The following PCNT variants were observed in gnomAD, a reference collection of about 807,000 sequenced individuals.
PCNT encodes pericentrin, also known as kendrin.
A neutral mutation model predicts 380.4 loss-of-function variants in PCNT; 319 were observed. The ratio of observed to expected loss-of-function variants is 0.84; its 90% CI spans 0.77 to 0.92. The LOEUF (loss-of-function observed/expected upper bound fraction) is 0.92. Among genes scored for constraint, PCNT ranks in the 40% least tolerant of loss-of-function variants. The pLI is 0.00. For missense variants in PCNT, 4,400 were observed against 4,255.3 expected, an observed-to-expected ratio of 1.03 and a Z score of -0.95; for synonymous variants, 1,845 against 1,735.2, an observed-to-expected ratio of 1.06 and a Z score of -1.57.
At chr21:46,399,828 TG>T in intron 25 of PCNT, 32 bp downstream of exon 25, 2 of 1,580,136 alleles carry the variant, frequency 1.3e-6, no homozygotes, top group Non-Finnish European at 1.7e-6. Context: ...GTTGGGCACG[TG>T]GTGAGGTGTC....
At chr21:46,353,716 GT>G (rs1394009441) in intron 10 of PCNT, among the ~76,000 whole-genome samples, 8 of 43,168 alleles carry the variant, frequency 1.9e-4, no homozygotes, top group South Asian at 9.7e-4. Context: ...TCTCCTCCAG[GT>G]GTGTGTGTGT....
chr21:46,327,998 A>G (rs1235445659), intron 2 of PCNT, among the ~76,000 whole-genome samples: 1 of 152,130 alleles, frequency 6.6e-6, no homozygotes, highest in African/African-American at 2.4e-5. Flanking sequence ...GGCCTTTTGT[A>G]TGAATTATGA....
At chr21:46,337,269 G>A (rs980974597) in intron 3 of PCNT, among the ~76,000 whole-genome samples, 1 of 152,144 alleles carries the variant, frequency 6.6e-6, no homozygotes, top group Non-Finnish European at 1.5e-5. Context: ...GGGCCACCAC[G>A]CCCGGCCCCA....
chr21:46,331,017 A>AGT (rs956861266), intron 2 of PCNT, among the ~76,000 whole-genome samples: 1 of 151,646 alleles, frequency 6.6e-6, no homozygotes, highest in Admixed American at 6.6e-5. Flanking sequence ...TAAGAAGATA[A>AGT]GTGTGTGTGT....
intron 38 of PCNT, among the ~76,000 whole-genome samples, chr21:46,433,058 G>C (rs937460886): frequency 5.9e-5 from 9 of 152,202 alleles, no homozygotes; most frequent in African/African-American, 1.7e-4. Flanking sequence ...CTGGAGTGCA[G>C]TGGCACGAAC....
Position 46,385,921 on chromosome 21 carries a change from C to G in PCNT, c.3402C>G (p.Asn1134Lys), listed in dbSNP as rs774651285. 4 of 1,614,208 alleles carry G rather than the reference C, an allele frequency of 2.5e-6. No individual in the cohort carries two copies. Among genetic ancestry groups the G allele is most frequent in the Non-Finnish European group, 3.4e-6 (4 of 1,180,044 alleles). Residue 1134 changes from asparagine (N) to lysine (K), a missense_variant, in exon 17 of 47, where the codon AAC becomes AAG. Physicochemically the swap from Asn to Lys is moderately conservative, Grantham distance 94. Coordinates refer to ENST00000359568, the MANE Select transcript of PCNT (RefSeq NM_006031.6). ...EVLQQRRERE[N>K]REGANLLSML... is the part of the protein sequence containing the mutation. ...TGCAGCAGAGGCGGGAGCGGGAGAA[C>G]CGGGAAGGCGCAAACCTCCTCTCCA... is the stretch of plus-strand genomic sequence containing the variant.
chr21:46,360,120 G>T (rs142096922), intron 13 of PCNT, among the ~76,000 whole-genome samples: 1 of 151,286 alleles, frequency 6.6e-6, no homozygotes, highest in Admixed American at 6.6e-5. Context: ...GCCTCCCAAA[G>T]TGCTGGGATT....
At chr21:46,438,409 A>G in intron 41 of PCNT, 72 bp downstream of exon 41, 1 of 1,418,990 alleles carries the variant, frequency 7.0e-7, no homozygotes, top group East Asian at 2.3e-5. Context: ...CCACCCCACA[A>G]GAGGCCGGGC....
At chr21:46,371,814 G>T (rs934707949) in intron 15 of PCNT, among the ~76,000 whole-genome samples, 1 of 149,840 alleles carries the variant, frequency 6.7e-6, no homozygotes, top group Non-Finnish European at 1.5e-5. Flanking sequence ...CACAGCACAT[G>T]CACACACACA....
Position 46,440,083 on chromosome 21 carries a change from A to G in PCNT, c.9274A>G (p.Arg3092Gly). The change falls in exon 42 of 47, where the codon AGG (arginine) becomes GGG (glycine). Residue 3092 changes from arginine (R) to glycine (G), a missense_variant and splice_region_variant. Coordinates refer to ENST00000359568, the MANE Select transcript of PCNT (RefSeq NM_006031.6). Reference sequence around the variant, plus strand: ...CAGCGCTGGCTGTGCTTCCTTACAGAGGTCGGAAAGGTCTGCTTGGAAGCC... The same window carrying G: ...CAGCGCTGGCTGTGCTTCCTTACAGGGGTCGGAAAGGTCTGCTTGGAAGCC... ...HHLQKGCSPSRSERSAWKPDE... is the reference protein window; with the variant it reads ...HHLQKGCSPSGSERSAWKPDE... The G allele has an allele frequency of 6.2e-7, 1 of 1,614,018 alleles. No homozygotes were observed. Among genetic ancestry groups the G allele is most frequent in the Non-Finnish European group, 8.5e-7 (1 of 1,180,004 alleles).
At chr21:46,412,749 G>C in intron 28 of PCNT, 88 bp from the exon 29 acceptor site, 1 of 1,408,416 alleles carries the variant, frequency 7.1e-7, no homozygotes, top group Non-Finnish European at 9.9e-7. Flanking sequence ...GCTGGCTGCC[G>C]TACTGGTTCC....
chr21:46,428,607 A>G lies in PCNT; in HGVS notation c.7690+17A>G, dbSNP rs779288253. The G allele has an allele frequency of 2.0e-5, 31 of 1,583,078 alleles. No individual in the cohort carries two copies. In the East Asian group the frequency reaches 5.4e-4, roughly 28 times the overall value. On this transcript the variant is annotated intron_variant, in intron 35 of 46. Transcript: ENST00000359568. ...GCAGGCAGGGTGGGTGTCACTGTCT[A>G]CACTGCCTGGGGCCCGGCCTCTGCA...
intron 27 of PCNT, among the ~76,000 whole-genome samples, chr21:46,403,208 TCG>T (rs1491437132): frequency 0.012 from 1,344 of 111,502 alleles, 1 homozygote; most frequent in Non-Finnish European, 0.017. Flanking sequence ...CGTGGGAGAA[TCG>T]TGTGTGTGTG....
chr21:46,387,285 C>T (rs1358568654), intron 17 of PCNT, among the ~76,000 whole-genome samples: 5 of 152,162 alleles, frequency 3.3e-5, no homozygotes, highest in Non-Finnish European at 5.9e-5. Flanking sequence ...CTGTGAGGAC[C>T]TTGCCTTCTG....
At chr21:46,335,913 A>G (rs923933346) in intron 3 of PCNT, among the ~76,000 whole-genome samples, 1 of 151,308 alleles carries the variant, frequency 6.6e-6, no homozygotes, top group Non-Finnish European at 1.5e-5. Context: ...GCTGACCTCA[A>G]GTGATCTGCT....
rs772439660 is a variant in PCNT, at chr21:46,411,204, A to C, written c.5131A>C (p.Ser1711Arg). ...CTCTCTTCAGGTCATATATACCAGA[A>C]GTTCTGAGATTGAAGAGCTGAAAGC... is the stretch of plus-strand genomic sequence containing the variant. The part of the protein sequence containing the change: ...NTSLKVIYTR[S>R]SEIEELKATI... The change falls in exon 28 of 47, where the codon AGT becomes CGT. Residue 1711 changes from serine to arginine, a missense_variant. Coordinates refer to ENST00000359568, the MANE Select transcript of PCNT (RefSeq NM_006031.6). 1 of 1,614,124 alleles carries C rather than the reference A, an allele frequency of 6.2e-7. No homozygotes were observed. The highest frequency in any genetic ancestry group is 8.5e-7 in the Non-Finnish European group (1 of 1,179,998).
chr21:46,362,693 C>T (rs2084762118), intron 13 of PCNT, among the ~76,000 whole-genome samples: 1 of 151,978 alleles, frequency 6.6e-6, no homozygotes, highest in South Asian at 2.1e-4. Flanking sequence ...GTAACAATCC[C>T]AGCACTTTGG....
rs774280096 is a variant in PCNT at position 46,334,788 on chromosome 21, T to C, written c.639+20T>C. 1.2e-6 allele frequency: 2 copies of C among 1,614,126 alleles called. No individual in the cohort carries two copies. Among genetic ancestry groups the C allele is most frequent in the South Asian group, 2.2e-5 (2 of 91,092 alleles). On this transcript the variant is annotated intron_variant, in intron 3 of 46. Coordinates refer to ENST00000359568, the MANE Select transcript of PCNT (RefSeq NM_006031.6). ...ACAAAGGTATTCTTTAAGTTCTCTG[T>C]TAAGGTGTATTCTTTGTCAAAAGAT...
intron 15 of PCNT, among the ~76,000 whole-genome samples, chr21:46,377,279 C>A (rs2085359562): frequency 6.6e-6 from 1 of 152,228 alleles, no homozygotes; most frequent in Admixed American, 6.5e-5. Flanking sequence ...CAATCCACCC[C>A]AGATGTTCTG....
Sources: allele counts gnomAD v4.1 joint callset (sites outside exome capture counted in the v4.1 genomes callset), GRCh38; gene constraint gnomAD v4.1.1; transcripts MANE v1.5; gene names NCBI Gene and HGNC (gene_info 2026-07-23, HGNC 2026-07-21).